PCBP4: variants seen among roughly 807,000 people sequenced by gnomAD.
The protein encoded by PCBP4 is poly(rC)-binding protein 4.
A neutral mutation model predicts 46.2 loss-of-function variants in PCBP4; 24 were observed. The observed-to-expected ratio is 0.52, with a 90% CI of 0.38 to 0.73. The LOEUF (loss-of-function observed/expected upper bound fraction) is 0.73, where lower values mean the gene tolerates loss of function less well. Among genes scored for constraint, PCBP4 ranks in the 30% least tolerant of loss-of-function variants. PCBP4 has a pLI of 0.00. For missense variants in PCBP4, 407 were observed against 537.0 expected, an observed-to-expected ratio of 0.76 and a Z score of 2.39; for synonymous variants, 203 against 224.4, an observed-to-expected ratio of 0.90 and a Z score of 0.85.
rs1208754407 is a variant in PCBP4, at chr3:51,960,104, G to T, written c.388-81C>A. ...TGCCCAGGCTCAGAGCTCTCTAGGT[G>T]GGGAGGACGCCATAAGCCCAACACC... On this transcript the variant is annotated intron_variant, in intron 7 of 13. Coordinates refer to ENST00000461554, the MANE Select transcript of PCBP4 (RefSeq NM_001174100.2). This position sits in a 1 kb window ranked among gnomAD's most constrained non-coding sequence, Gnocchi z 5.0. 1 of 1,613,898 alleles carries T rather than the reference G, an allele frequency of 6.2e-7. No individual in the cohort carries two copies. The highest frequency in any genetic ancestry group is 8.5e-7 in the Non-Finnish European group (1 of 1,179,760).
chr3:51,962,173 G>C (rs1286729396), intron 1 of PCBP4, 85 bp from the exon 2 acceptor site: 6 of 152,144 alleles, frequency 3.9e-5, no homozygotes, highest in Non-Finnish European at 4.4e-5. Context: ...CAAGTCACTT[G>C]GGCTCTGAGT....
At position 51,967,342 on chromosome 3, in the gene PCBP4, TGCGGCG is replaced by T. The variant is rs969610600; in HGVS notation, c.-235_-230del. ...GCGCCCTACCTCGCTGGGGCTGTCC[TGCGGCG>T]GCGGCGGCGGCGGCACGGCGGCTGG... On this transcript the variant is annotated 5_prime_UTR_variant, in exon 1 of 14. Coordinates refer to ENST00000461554, the MANE Select transcript of PCBP4 (RefSeq NM_001174100.2). 2.6e-5 allele frequency: 4 copies of T among 151,904 alleles called. No homozygotes were observed. Among genetic ancestry groups the T allele is most frequent in the Non-Finnish European group, 2.9e-5 (2 of 68,328 alleles). 9.4% of individuals were successfully genotyped at this position (151,904 alleles called of 1,614,324 possible). A position where few individuals can be genotyped will look rare whatever the true frequency, so the allele number is the denominator to read the frequency against.
In PCBP4 at chr3:51,959,599, G is replaced by C. The variant is rs1235415916; in HGVS notation, c.569C>G (p.Thr190Ser). The change falls in exon 9 of 14, where the codon ACT (threonine) becomes AGT (serine). Residue 190 changes from threonine to serine, a missense_variant. Thr to Ser is a moderately conservative substitution (Grantham distance 58). Transcript: ENST00000461554. The surrounding 1 kb of genome is among the most constrained non-coding windows in gnomAD (Gnocchi z 5.6). ...CACCTGGTTGGCAGAGAGAAGAACA[G>C]TACCTAGGGAGAGGCTCGGATGGTA... The part of the protein sequence containing the change: ...IPYHPSLSLG[T>S]VLLSANQGFS... The C allele has an allele frequency of 2.6e-6, 4 of 1,552,994 alleles. No individual in the cohort carries two copies. The highest frequency in any genetic ancestry group is 2.0e-5 in the Admixed American group (1 of 51,082).
At chr3:51,961,405 G>T in intron 2 of PCBP4, 101 bp from the exon 3 acceptor site, 1 of 1,297,492 alleles carries the variant, frequency 7.7e-7, no homozygotes, top group Non-Finnish European at 1.0e-6. Flanking sequence ...ACTCCCAGAG[G>T]AAAGAGACTG....
chr3:51,966,380 G>C (rs1700425742), intron 1 of PCBP4, among the ~76,000 whole-genome samples: 1 of 152,148 alleles, frequency 6.6e-6, no homozygotes. Flanking sequence ...GGAGGTTGAG[G>C]GGGCTCCAGG....
At position 51,958,211 on chromosome 3, in the gene PCBP4, G is replaced by A. The variant is rs1168710879; in HGVS notation, c.1062C>T (p.Leu354=). The change falls in exon 14 of 14, where the codon CTC becomes CTT. Residue 354 remains leucine, a synonymous_variant. Transcript: ENST00000461554. The surrounding 1 kb of genome is among the most constrained non-coding windows in gnomAD (Gnocchi z 5.4). The part of the protein sequence containing the change: ...GLLGTPYAIS[L]SNFIGLKPMP... ...TGGGCTTGAGGCCGATGAAGTTGGA[G>A]AGGGAGATGGCATAGGGTGTGCCCA... 12 of 1,613,078 alleles carry A rather than the reference G, an allele frequency of 7.4e-6. No homozygotes were observed. In the Admixed American group the frequency reaches 1.7e-4, roughly 22 times the overall value.
chr3:51,958,911 G>A lies in PCBP4; in HGVS notation c.802C>T (p.Arg268Trp), dbSNP rs1295502663. The change falls in exon 13 of 14, where the codon CGG becomes TGG. Residue 268 changes from arginine (R) to tryptophan (W), a missense_variant. Coordinates refer to ENST00000461554, the MANE Select transcript of PCBP4 (RefSeq NM_001174100.2). This position sits in a 1 kb window ranked among gnomAD's most constrained non-coding sequence, Gnocchi z 5.4. ...TTGATATGTGCCCCTGACATCTGCC[G>A]GATCTCGCTGATCTTGCTGCCCTGG... is the stretch of plus-strand genomic sequence containing the variant. The part of the protein sequence containing the change: ...GRQGSKISEI[R>W]QMSGAHIKIG... 2.5e-6 allele frequency: 4 copies of A among 1,613,810 alleles called. No individual in the cohort carries two copies. The highest frequency in any genetic ancestry group is 3.4e-6 in the Non-Finnish European group (4 of 1,179,960).
intron 1 of PCBP4, among the ~76,000 whole-genome samples, chr3:51,966,083 C>T (rs1461050664): frequency 6.6e-6 from 1 of 152,246 alleles, no homozygotes. Flanking sequence ...CAGGGGTCTA[C>T]CTGTGCAGCT....
rs769505859 is a variant in PCBP4, at chr3:51,960,161, C to T, written c.387+28G>A. 3.1e-6 allele frequency: 5 copies of T among 1,614,090 alleles called. No homozygotes were observed. The East Asian group carries it at 1.1e-4, about 36-fold the overall frequency. On this transcript the variant is annotated intron_variant, in intron 7 of 13. Coordinates refer to ENST00000461554, the MANE Select transcript of PCBP4 (RefSeq NM_001174100.2). This position sits in a 1 kb window ranked among gnomAD's most constrained non-coding sequence, Gnocchi z 5.0. ...ACAACTGCTCCCTTGCCCCGGATTC[C>T]CTGTGGGTGGTATATCTCGCCCCTC...
Position 51,957,921 on chromosome 3 carries a change from GGCAGGGTAGGGGGT to G in PCBP4, c.*126_*139del. The stretch of plus-strand genomic sequence containing the variant: ...GAGAGAAAGAACTCCCATAGATGGA[GGCAGGGTAGGGGGT>G]GCATCCATGCGTCTGGGCGTTAGCG... On this transcript the variant is annotated 3_prime_UTR_variant, in exon 14 of 14. Coordinates refer to ENST00000461554, the MANE Select transcript of PCBP4 (RefSeq NM_001174100.2). 3 of 745,906 alleles carry G rather than the reference GGCAGGGTAGGGGGT, an allele frequency of 4.0e-6. No homozygotes were observed. Among genetic ancestry groups the G allele is most frequent in the Non-Finnish European group, 6.4e-6 (3 of 468,420 alleles). The allele number at this position is 745,906 out of a possible 1,614,324, so 46.2% of individuals were successfully genotyped here.
At position 51,961,302 on chromosome 3, in the gene PCBP4, G is replaced by C; in HGVS notation, c.-62C>G. ...GTGTGTCCGCGCTGCAACCTGGCCGGCTCTGGCAGGGGCAGCCAAAGAGGG... is the reference window on the plus strand; with the variant it reads ...GTGTGTCCGCGCTGCAACCTGGCCGCCTCTGGCAGGGGCAGCCAAAGAGGG... On this transcript the variant is annotated splice_region_variant and 5_prime_UTR_variant, in exon 3 of 14. Coordinates refer to ENST00000461554, the MANE Select transcript of PCBP4 (RefSeq NM_001174100.2). 1 of 1,564,554 alleles carries C rather than the reference G, an allele frequency of 6.4e-7. No individual in the cohort carries two copies. The highest frequency in any genetic ancestry group is 1.8e-5 in the Admixed American group (1 of 55,622).
In PCBP4 at chr3:51,960,034, A is replaced by G; in HGVS notation, c.388-11T>C. 13 of 1,614,162 alleles carry G rather than the reference A, an allele frequency of 8.1e-6. No individual in the cohort carries two copies. Among genetic ancestry groups the G allele is most frequent in the Non-Finnish European group, 1.1e-5 (13 of 1,180,012 alleles). On this transcript the variant is annotated splice_polypyrimidine_tract_variant and intron_variant, in intron 7 of 13. Transcript: ENST00000461554. The surrounding 1 kb of genome is among the most constrained non-coding windows in gnomAD (Gnocchi z 5.0). ...CTGGGCACCCGTAGTCTGCAAACAG[A>G]GAACAGGGGCCACTTCTGGCTGCTC...
chr3:51,965,725 T>C (rs1027584971), intron 1 of PCBP4, among the ~76,000 whole-genome samples: 3 of 152,184 alleles, frequency 2.0e-5, no homozygotes, highest in Non-Finnish European at 4.4e-5. Context: ...GCCAGCCACA[T>C]GGGCAGAGGT....
chr3:51,961,771 C>T, intron 2 of PCBP4, 170 bp downstream of exon 2: 1 of 988,592 alleles, frequency 1.0e-6, no homozygotes, highest in Middle Eastern at 5.2e-4. Context: ...GCACTTTCGT[C>T]CAGCAGCCAG....
chr3:51,961,859 C>T (rs549940135), intron 2 of PCBP4, 82 bp downstream of exon 2: 19 of 580,234 alleles, frequency 3.3e-5, no homozygotes, highest in East Asian at 1.4e-4. Context: ...AGGGAGGCCT[C>T]GGGTGTGGTC....
At chr3:51,963,232 A>T (rs1238866428) in intron 1 of PCBP4, 1 of 152,222 alleles carries the variant, frequency 6.6e-6, no homozygotes, top group Non-Finnish European at 1.5e-5. Flanking sequence ...CCTGGAGAGG[A>T]TCAGTAACCT....
rs1699900543 is a variant in PCBP4 at position 51,957,966 on chromosome 3, TG to T, written c.*94del. The T allele has an allele frequency of 3.3e-6, 4 of 1,222,028 alleles. No individual in the cohort carries two copies. In the South Asian group the frequency reaches 6.2e-5, roughly 19 times the overall value. The allele number at this position is 1,222,028 out of a possible 1,614,324, so 75.7% of individuals were successfully genotyped here. A position where few individuals can be genotyped will look rare whatever the true frequency, so the allele number is the denominator to read the frequency against. ...CATGCGTCTGGGCGTTAGCGGCGTTTGGGACCCCAGGGTGGAGTCTCCTTGG... is the reference window on the plus strand; with the variant it reads ...CATGCGTCTGGGCGTTAGCGGCGTTTGGACCCCAGGGTGGAGTCTCCTTGG... On this transcript the variant is annotated 3_prime_UTR_variant, in exon 14 of 14. Coordinates refer to ENST00000461554, the MANE Select transcript of PCBP4 (RefSeq NM_001174100.2).
intron 1 of PCBP4, among the ~76,000 whole-genome samples, chr3:51,964,108 C>T (rs534786263): frequency 6.6e-6 from 1 of 152,204 alleles, no homozygotes; most frequent in African/African-American, 2.4e-5. Context: ...CCTCTGACCT[C>T]GGGCATTCCC....
Position 51,958,423 on chromosome 3 carries a change from G to A in PCBP4, c.924-74C>T, listed in dbSNP as rs1286668463. On this transcript the variant is annotated intron_variant, in intron 13 of 13. Coordinates refer to ENST00000461554, the MANE Select transcript of PCBP4 (RefSeq NM_001174100.2). The surrounding 1 kb of genome is among the most constrained non-coding windows in gnomAD (Gnocchi z 5.4). Reference sequence around the variant, plus strand: ...AGAGGGGCAATGAGGGCAGAGATGGGCATGAGATTAGATGAAAGGCAAGAG... The same window carrying A: ...AGAGGGGCAATGAGGGCAGAGATGGACATGAGATTAGATGAAAGGCAAGAG... 1.9e-6 allele frequency: 2 copies of A among 1,041,474 alleles called. No homozygotes were observed. The highest frequency in any genetic ancestry group is 1.6e-5 in the African/African-American group (1 of 61,938). The allele number at this position is 1,041,474 out of a possible 1,614,324, so 64.5% of individuals were successfully genotyped here.
Sources: allele counts gnomAD v4.1 joint callset (sites outside exome capture counted in the v4.1 genomes callset), GRCh38; gene constraint gnomAD v4.1.1; non-coding constraint Gnocchi (gnomAD v3.1); transcripts MANE v1.5; gene names NCBI Gene and HGNC (gene_info 2026-07-23, HGNC 2026-07-21).